The following UHRF2 variants were observed in gnomAD, a reference collection of about 807,000 sequenced individuals.
UHRF2 encodes the protein E3 ubiquitin-protein ligase UHRF2.
In UHRF2, 23 loss-of-function variants were observed where a neutral mutation model predicts 96.8. That is an observed-to-expected ratio of 0.24 (90% CI 0.17 to 0.34). The LOEUF is 0.34. Ranked by LOEUF, UHRF2 falls within the 10% of genes least tolerant of loss-of-function variation. The pLI, the probability that UHRF2 is intolerant of heterozygous loss-of-function variation, is 1.00. For missense variants in UHRF2, 685 were observed against 981.5 expected (o/e 0.70, Z 4.04); for synonymous variants, 385 against 332.6 (o/e 1.16, Z -1.72).
intron 3 of UHRF2, among the ~76,000 whole-genome samples, chr9:6,451,825 C>G (rs1410953358): frequency 6.6e-6 from 1 of 151,088 alleles, no homozygotes; most frequent in East Asian, 1.9e-4. Flanking sequence ...CAGTCTGTCA[C>G]CAGGCTGGAG....
At chr9:6,430,994 TC>T (rs1436976980) in intron 2 of UHRF2, among the ~76,000 whole-genome samples, 1 of 152,234 alleles carries the variant, frequency 6.6e-6, no homozygotes, top group Non-Finnish European at 1.5e-5. Flanking sequence ...ATTTTGCTAC[TC>T]CTTTAGCTAA....
At chr9:6,474,588 C>T (rs1461090877) in intron 4 of UHRF2, among the ~76,000 whole-genome samples, 1 of 152,128 alleles carries the variant, frequency 6.6e-6, no homozygotes, top group Non-Finnish European at 1.5e-5. Context: ...GGCCTGTAAT[C>T]CCAGCTACTT....
intron 3 of UHRF2, among the ~76,000 whole-genome samples, chr9:6,448,721 A>AGAT (rs1295202541): frequency 1.3e-5 from 2 of 152,232 alleles, no homozygotes; most frequent in East Asian, 3.8e-4. Flanking sequence ...GAGGTAAATA[A>AGAT]GATAAGAATG....
At chr9:6,460,017 C>T (rs1396444634) in intron 3 of UHRF2, among the ~76,000 whole-genome samples, 1 of 152,112 alleles carries the variant, frequency 6.6e-6, no homozygotes, top group African/African-American at 2.4e-5. Context: ...AGAGCAAGAG[C>T]TTATGTTTTT....
At chr9:6,441,210 C>G (rs1821142493) in intron 3 of UHRF2, among the ~76,000 whole-genome samples, 1 of 151,838 alleles carries the variant, frequency 6.6e-6, no homozygotes, top group African/African-American at 2.4e-5. Context: ...AAAACCCAGT[C>G]TCTACAAAAA....
At chr9:6,483,910 A>C (rs1824086190) in intron 8 of UHRF2, among the ~76,000 whole-genome samples, 1 of 152,032 alleles carries the variant, frequency 6.6e-6, no homozygotes, top group Admixed American at 6.6e-5. Context: ...GCTGGTCTCG[A>C]ACTCCCAACC....
At chr9:6,504,091 T>G (rs1816453736) in intron 14 of UHRF2, among the ~76,000 whole-genome samples, 1 of 146,818 alleles carries the variant, frequency 6.8e-6, no homozygotes, top group Admixed American at 6.9e-5. Flanking sequence ...AGTGGCGTGA[T>G]CTCAGCTCAC....
intron 4 of UHRF2, among the ~76,000 whole-genome samples, chr9:6,465,013 T>C (rs992191037): frequency 1.1e-4 from 16 of 152,224 alleles, no homozygotes; most frequent in Non-Finnish European, 1.5e-5. Flanking sequence ...ATTATAATCA[T>C]CTGTGAATTA....
intron 14 of UHRF2, chr9:6,504,384 A>C (rs961036131): frequency 2.7e-6 from 1 of 364,006 alleles, no homozygotes; most frequent in African/African-American, 2.1e-5. Flanking sequence ...ATAGATGGAT[A>C]TATTTTGGGA....
intron 4 of UHRF2, among the ~76,000 whole-genome samples, chr9:6,470,170 C>G (rs1339561392): frequency 1.3e-5 from 2 of 152,064 alleles, no homozygotes; most frequent in Non-Finnish European, 2.9e-5. Flanking sequence ...GTCAGGAATT[C>G]AAGACCAGCC....
Position 6,493,937 on chromosome 9 carries a change from TA to T in UHRF2, c.1604+6del. 1 of 1,611,200 alleles carries T rather than the reference TA, an allele frequency of 6.2e-7. No homozygotes were observed. The highest frequency in any genetic ancestry group is 8.5e-7 in the Non-Finnish European group (1 of 1,177,916). On this transcript the variant is annotated splice_donor_region_variant and intron_variant, in intron 10 of 15. Coordinates refer to ENST00000276893, the MANE Select transcript of UHRF2 (RefSeq NM_152896.3). Reference sequence around the variant, plus strand: ...AACATTAACAAACATGAACAGGTACTACTATAGACACTGTTTAGAATTTGAA... The same window carrying T: ...AACATTAACAAACATGAACAGGTACTCTATAGACACTGTTTAGAATTTGAA...
intron 2 of UHRF2, among the ~76,000 whole-genome samples, chr9:6,428,932 G>C (rs1256818110): frequency 6.6e-6 from 1 of 152,100 alleles, no homozygotes; most frequent in Non-Finnish European, 1.5e-5. Context: ...GGGAGGTGGA[G>C]GACAAGTGGA....
At chr9:6,438,720 G>GT (rs1158569269) in intron 3 of UHRF2, among the ~76,000 whole-genome samples, 4 of 152,146 alleles carry the variant, frequency 2.6e-5, no homozygotes, top group African/African-American at 7.2e-5. Context: ...TTTAAAAGCT[G>GT]TTTTTTATAG....
chr9:6,439,062 C>A (rs1005331214), intron 3 of UHRF2, among the ~76,000 whole-genome samples: 2 of 151,748 alleles, frequency 1.3e-5, no homozygotes, highest in Admixed American at 6.6e-5. Context: ...ATTACAGATA[C>A]AAACACTAAG....
intron 9 of UHRF2, among the ~76,000 whole-genome samples, chr9:6,493,171 T>G (rs1237924720): frequency 2.0e-5 from 3 of 151,768 alleles, no homozygotes; most frequent in Admixed American, 6.6e-5. Context: ...AGTGGCACAT[T>G]CCTGTAATCC....
chr9:6,467,919 C>G (rs1324550102), intron 4 of UHRF2, among the ~76,000 whole-genome samples: 1 of 151,952 alleles, frequency 6.6e-6, no homozygotes, highest in Non-Finnish European at 1.5e-5. Flanking sequence ...GTTTATTTCT[C>G]ATTTTAACTG....
chr9:6,451,773 TTTGTTG>T (rs1168664809), intron 3 of UHRF2, among the ~76,000 whole-genome samples: 4 of 148,800 alleles, frequency 2.7e-5, no homozygotes, highest in Non-Finnish European at 5.9e-5. Flanking sequence ...GCCCGGCCTG[TTTGTTG>T]TTGTTGTTGT....
chr9:6,481,469 G>T (rs1399431170), intron 6 of UHRF2, among the ~76,000 whole-genome samples, 174 bp from the exon 7 acceptor site: 1 of 152,186 alleles, frequency 6.6e-6, no homozygotes, highest in Admixed American at 6.5e-5. Context: ...TTTAAAGCCA[G>T]CCTAACCATG....
intron 2 of UHRF2, among the ~76,000 whole-genome samples, chr9:6,427,129 T>C (rs1330196118): frequency 6.6e-6 from 1 of 152,248 alleles, no homozygotes; most frequent in African/African-American, 2.4e-5. Context: ...ATAAAAACTT[T>C]TAAGTTGATT....
Sources: gnomAD v4.1 joint callset for allele counts (sites outside exome capture counted in the v4.1 genomes callset) on GRCh38, gnomAD v4.1.1 for gene constraint, MANE v1.5 for transcripts, NCBI Gene and HGNC (gene_info 2026-07-23, HGNC 2026-07-21) for gene names.